Variants in CNOT1 observed in about 807,000 individuals in gnomAD.
The protein encoded by CNOT1 is CCR4-associated factor 1.
CNOT1 carries 15 observed loss-of-function variants against 273.8 expected under a neutral mutation model. The observed-to-expected ratio is 0.05, with a 90% CI of 0.04 to 0.08. The LOEUF (loss-of-function observed/expected upper bound fraction) is 0.08. CNOT1 is among the 10% of genes least tolerant of loss of function. CNOT1 has a pLI of 1.00. For missense variants in CNOT1, 1,644 were observed against 2,912.2 expected (o/e 0.56, Z 10.02); for synonymous variants, 1,022 against 1,005.5 (o/e 1.02, Z -0.31).
At chr16:58,566,152 G>C (rs1374181769) in intron 16 of CNOT1, among the ~76,000 whole-genome samples, 3 of 152,140 alleles carry the variant, frequency 2.0e-5, no homozygotes. Context: ...TTTTTCTGAA[G>C]TTGTTTTCCC....
intron 43 of CNOT1, among the ~76,000 whole-genome samples, chr16:58,529,290 G>GC (rs1213780973): frequency 6.6e-6 from 1 of 152,090 alleles, no homozygotes; most frequent in African/African-American, 2.4e-5. Context: ...TTAAAAATCT[G>GC]CAATTTTGAC....
chr16:58,576,771 A>G (rs1030634774), intron 13 of CNOT1, among the ~76,000 whole-genome samples, 189 bp from the exon 14 acceptor site: 2 of 152,232 alleles, frequency 1.3e-5, no homozygotes, highest in African/African-American at 4.8e-5. Flanking sequence ...ACCTCCACAT[A>G]TTCCAAATAA....
chr16:58,536,063 T>C (rs1156288155), intron 39 of CNOT1, among the ~76,000 whole-genome samples: 2 of 152,196 alleles, frequency 1.3e-5, no homozygotes, highest in Non-Finnish European at 2.9e-5. Flanking sequence ...AAATAACTTC[T>C]AGAATTGAAG....
Position 58,547,493 on chromosome 16 carries a change from C to T in CNOT1, c.3639+73G>A. The T allele has an allele frequency of 6.5e-7, 1 of 1,541,440 alleles. No individual in the cohort carries two copies. Among genetic ancestry groups the T allele is most frequent in the South Asian group, 1.2e-5 (1 of 80,410 alleles). On this transcript the variant is annotated intron_variant, in intron 26 of 48. Transcript: ENST00000317147. This position sits in a 1 kb window ranked among gnomAD's most constrained non-coding sequence, Gnocchi z 4.0. ...CAAAACCCCAATAATCATTAAATAG[C>T]TCCAAACAGCCAATACTTGTAATCA...
chr16:58,543,448 C>T, intron 31 of CNOT1, 159 bp downstream of exon 31: 1 of 1,490,618 alleles, frequency 6.7e-7, no homozygotes, highest in Non-Finnish European at 8.9e-7. Flanking sequence ...TGCTTTGCCT[C>T]ACAGAATTAC....
Position 58,543,743 on chromosome 16 carries a change from T to C in CNOT1, c.4298A>G (p.Glu1433Gly). 1 of 1,614,128 alleles carries C rather than the reference T, an allele frequency of 6.2e-7. No homozygotes were observed. Among genetic ancestry groups the C allele is most frequent in the Non-Finnish European group, 8.5e-7 (1 of 1,180,026 alleles). ...AGCTGCTATTCGCATTCGAGATTCC[T>C]CCGAATCCAGGGCAAAATCCTTCCT... ...IVRKDFALDS[E>G]ESRMRIAAHH... The change falls in exon 31 of 49, where the codon GAG becomes GGG. Residue 1433 changes from glutamate (E) to glycine (G), a missense_variant. By Grantham distance (98) the Glu-to-Gly change is moderately conservative. Coordinates refer to ENST00000317147, the MANE Select transcript of CNOT1 (RefSeq NM_016284.5).
intron 42 of CNOT1, among the ~76,000 whole-genome samples, chr16:58,531,495 G>A (rs1039794378): frequency 1.4e-5 from 2 of 142,384 alleles, no homozygotes; most frequent in Non-Finnish European, 3.1e-5. Context: ...AGAGCCTTCC[G>A]CATTTAAAGT....
Position 58,558,626 on chromosome 16 carries a change from C to G in CNOT1, c.2179G>C (p.Ala727Pro). 6.2e-7 allele frequency: 1 copy of G among 1,613,236 alleles called. No individual in the cohort carries two copies. The highest frequency in any genetic ancestry group is 8.5e-7 in the Non-Finnish European group (1 of 1,179,658). The change falls in exon 18 of 49, where the codon GCC becomes CCC. Residue 727 changes from alanine to proline, a missense_variant. Ala to Pro is a conservative substitution (Grantham distance 27, BLOSUM62 -1). Transcript: ENST00000317147. Reference sequence around the variant, plus strand: ...CCCTGCATACTCTGGGTGTGAGGGGCAGCTGAACCACCTATACTAAGAGAT... The same window carrying G: ...CCCTGCATACTCTGGGTGTGAGGGGGAGCTGAACCACCTATACTAAGAGAT... The part of the protein sequence containing the change: ...MTSLSIGGSA[A>P]PHTQSMQGFP...
At chr16:58,609,268 A>T (rs2042801249) in intron 1 of CNOT1, among the ~76,000 whole-genome samples, 1 of 152,106 alleles carries the variant, frequency 6.6e-6, no homozygotes, top group Admixed American at 6.6e-5. Context: ...GCTACTTGGG[A>T]GGCTGAGGCA....
At chr16:58,623,650 C>T (rs1474572959) in intron 1 of CNOT1, among the ~76,000 whole-genome samples, 1 of 152,180 alleles carries the variant, frequency 6.6e-6, no homozygotes, top group East Asian at 1.9e-4. Flanking sequence ...CTTACTTCTC[C>T]TACGCACCTC....
chr16:58,574,498 T>C (rs576683509), intron 16 of CNOT1, 111 bp downstream of exon 16: 69 of 1,069,176 alleles, frequency 6.5e-5, no homozygotes, highest in African/African-American at 1.1e-4. Context: ...CTTAAAACCA[T>C]TGGACCATTT....
At chr16:58,597,437 G>C (rs569222651) in intron 2 of CNOT1, among the ~76,000 whole-genome samples, 1 of 151,732 alleles carries the variant, frequency 6.6e-6, no homozygotes, top group African/African-American at 2.4e-5. Context: ...ATCGCGCCAC[G>C]GTATGCCAGC....
At chr16:58,568,138 G>A (rs889700006) in intron 16 of CNOT1, among the ~76,000 whole-genome samples, 19 of 152,034 alleles carry the variant, frequency 1.2e-4, no homozygotes, top group Admixed American at 1.1e-3. Flanking sequence ...TTTGGGAGGC[G>A]GGCGAATCAC....
chr16:58,528,421 GA>G (rs1294413508), intron 44 of CNOT1, 53 bp downstream of exon 44: 30 of 1,287,288 alleles, frequency 2.3e-5, no homozygotes, highest in Non-Finnish European at 3.4e-5. Context: ...ACTTATCAGA[GA>G]AAGGACTGAA....
chr16:58,529,704 G>A (rs2039710769), intron 43 of CNOT1, among the ~76,000 whole-genome samples: 1 of 151,886 alleles, frequency 6.6e-6, no homozygotes, highest in African/African-American at 2.4e-5. Flanking sequence ...AGCCAGGCAT[G>A]GTGGCACATG....
At chr16:58,618,183 A>G (rs1331776970) in intron 1 of CNOT1, among the ~76,000 whole-genome samples, 1 of 152,070 alleles carries the variant, frequency 6.6e-6, no homozygotes, top group East Asian at 1.9e-4. Flanking sequence ...CTGCAATCCC[A>G]GCCAGCTACT....
intron 1 of CNOT1, among the ~76,000 whole-genome samples, chr16:58,606,674 G>T (rs970579820): frequency 6.6e-6 from 1 of 151,976 alleles, no homozygotes; most frequent in Non-Finnish European, 1.5e-5. Context: ...GTGGTGGCAG[G>T]CACCTGTAAT....
chr16:58,625,710 T>C (rs2043544615), intron 1 of CNOT1, among the ~76,000 whole-genome samples: 1 of 151,626 alleles, frequency 6.6e-6, no homozygotes, highest in South Asian at 2.1e-4. Context: ...AAAACAATTT[T>C]TGACACGTGT....
chr16:58,538,853 C>T lies in CNOT1; in HGVS notation c.5054G>A (p.Arg1685Lys). Residue 1685 changes from arginine (R) to lysine (K), a missense_variant, in exon 36 of 49, where the codon AGG becomes AAG. Physicochemically the swap from Arg to Lys is conservative, Grantham distance 26. Transcript: ENST00000317147. ...TTTTAGGACCAAGAGGTGGCATTCC[C>T]TGTAGCGCAGCAGAAGGTCAGCATC... ...GADADLLLRY[R>K]ECHLLVLKAL... 6.2e-7 allele frequency: 1 copy of T among 1,611,164 alleles called. No individual in the cohort carries two copies. The highest frequency in any genetic ancestry group is 1.1e-5 in the South Asian group (1 of 90,862).
Sources: allele counts gnomAD v4.1 joint callset (sites outside exome capture counted in the v4.1 genomes callset), GRCh38; gene constraint gnomAD v4.1.1; non-coding constraint Gnocchi (gnomAD v3.1); transcripts MANE v1.5; gene names NCBI Gene and HGNC (gene_info 2026-07-23, HGNC 2026-07-21).